The following RECK variants were observed in gnomAD, a reference collection of about 807,000 sequenced individuals.
RECK encodes the protein reversion-inducing cysteine-rich protein with Kazal motifs.
RECK carries 69 observed loss-of-function variants against 115.1 expected under a neutral mutation model. The observed-to-expected ratio is 0.60, with a 90% CI of 0.49 to 0.73. The LOEUF is 0.73. Ranked by LOEUF, RECK falls within the 30% of genes least tolerant of loss-of-function variation. The pLI is 0.00. For missense variants in RECK, 1,047 were observed against 1,203.7 expected (o/e 0.87, Z 1.93); for synonymous variants, 414 against 419.7 (o/e 0.99, Z 0.17).
At chr9:36,037,150 G>A in intron 1 of RECK, 52 bp downstream of exon 1, 1 of 1,179,470 alleles carries the variant, frequency 8.5e-7, no homozygotes, top group African/African-American at 1.6e-5. Context: ...GGCCGCCACA[G>A]CGCTCCAAGA....
chr9:36,080,532 C>T, intron 6 of RECK, 73 bp from the exon 7 acceptor site: 1 of 1,199,272 alleles, frequency 8.3e-7, no homozygotes, highest in Non-Finnish European at 1.2e-6. Context: ...TCCATGTAAC[C>T]ATAAAGTGGA....
intron 6 of RECK, among the ~76,000 whole-genome samples, chr9:36,076,010 A>G (rs1822433175): frequency 6.6e-6 from 1 of 152,202 alleles, no homozygotes; most frequent in African/African-American, 2.4e-5. Context: ...CAGTGGACAG[A>G]GAAAGGATTG....
chr9:36,117,222 T>C lies in RECK; in HGVS notation c.2253+45T>C, dbSNP rs373645437. On this transcript the variant is annotated intron_variant, in intron 17 of 20. Coordinates refer to ENST00000377966, the MANE Select transcript of RECK (RefSeq NM_021111.3). ...AAAACAAAGTACACTACGGATAAAA[T>C]TGGTTTATGATATTTTACAGATGAA... 9.5e-4 allele frequency: 1,404 copies of C among 1,479,080 alleles called. 3 individuals carry two copies. The highest frequency in any genetic ancestry group is 1.5e-3 in the Admixed American group (71 of 45,894). 91.6% of individuals were successfully genotyped at this position (1,479,080 alleles called of 1,614,324 possible).
Position 36,037,057 on chromosome 9 carries a change from G to C in RECK, c.59G>C (p.Gly20Ala). 1 of 1,396,914 alleles carries C rather than the reference G, an allele frequency of 7.2e-7. No homozygotes were observed. Among genetic ancestry groups the C allele is most frequent in the Non-Finnish European group, 9.3e-7 (1 of 1,070,324 alleles). The allele number at this position is 1,396,914 out of a possible 1,614,324, so 86.5% of individuals were successfully genotyped here. A position where few individuals can be genotyped will look rare whatever the true frequency, so the allele number is the denominator to read the frequency against. ...GALLLLLAVA[G>A]VAEVAGGLAP... is the part of the protein sequence containing the mutation. The stretch of plus-strand genomic sequence containing the variant: ...CTGCTCCTTCTGCTGGCCGTGGCGG[G>C]GGTCGCGGAGGTGGCAGGGGGCCTG... The change falls in exon 1 of 21, where the codon GGG (glycine) becomes GCG (alanine). Residue 20 changes from glycine to alanine, a missense_variant. Gly to Ala is a moderately conservative substitution (Grantham distance 60, BLOSUM62 0). Coordinates refer to ENST00000377966, the MANE Select transcript of RECK (RefSeq NM_021111.3).
chr9:36,117,138 C>T lies in RECK; in HGVS notation c.2214C>T (p.Tyr738=), dbSNP rs765037182. The change falls in exon 17 of 21, where the codon TAC becomes TAT. Residue 738 remains tyrosine, a synonymous_variant. Transcript: ENST00000377966. The part of the protein sequence containing the change: ...HMEHNNLCTL[Y]QRGKSLSYKG... Reference sequence around the variant, plus strand: ...AGCACAACAATCTCTGCACTTTATACCAAAGAGGAAAAAGCCTCTCTTACA... The same window carrying T: ...AGCACAACAATCTCTGCACTTTATATCAAAGAGGAAAAAGCCTCTCTTACA... 1 of 1,613,180 alleles carries T rather than the reference C, an allele frequency of 6.2e-7. No homozygotes were observed. Among genetic ancestry groups the T allele is most frequent in the South Asian group, 1.1e-5 (1 of 90,952 alleles).
intron 1 of RECK, among the ~76,000 whole-genome samples, chr9:36,042,181 C>T (rs1389789212): frequency 6.6e-6 from 1 of 151,768 alleles, no homozygotes; most frequent in Non-Finnish European, 1.5e-5. Flanking sequence ...ACCCAATGTG[C>T]AGTCTTTTAT....
At position 36,075,401 on chromosome 9, in the gene RECK, G is replaced by A. The variant is rs183589670; in HGVS notation, c.406-5204G>A. 7.9e-5 allele frequency among the ~76,000 whole-genome samples: 12 copies of A among 152,232 alleles called. No homozygotes were observed. In the East Asian group the frequency reaches 2.3e-3, roughly 29 times the overall value. ...TTTCTGAGCAGTCTAGACCTATAAA[G>A]CTCATTTCTGTTTTGAGTGTTCATT... On this transcript the variant is annotated intron_variant, in intron 6 of 20. Transcript: ENST00000377966.
intron 2 of RECK, among the ~76,000 whole-genome samples, chr9:36,054,711 A>G (rs1821452932): frequency 6.6e-6 from 1 of 152,104 alleles, no homozygotes; most frequent in East Asian, 1.9e-4. Flanking sequence ...TTTTTAATAA[A>G]AATATTTACA....
At chr9:36,085,621 G>A (rs961235479) in intron 8 of RECK, 1 of 151,920 alleles carries the variant, frequency 6.6e-6, no homozygotes, top group African/African-American at 2.4e-5. Context: ...GGAGGCTGAT[G>A]CTGGAGGATC....
chr9:36,096,996 T>C (rs1033894203), intron 10 of RECK, among the ~76,000 whole-genome samples: 1 of 151,674 alleles, frequency 6.6e-6, no homozygotes, highest in African/African-American at 2.4e-5. Context: ...TCCTACAACA[T>C]CATGATAAAA....
intron 12 of RECK, among the ~76,000 whole-genome samples, chr9:36,104,614 A>G (rs753533994): frequency 6.6e-6 from 1 of 151,440 alleles, no homozygotes; most frequent in Non-Finnish European, 1.5e-5. Flanking sequence ...GGTTCAAGCA[A>G]TTCTCCTGCC....
chr9:36,120,825 TA>T (rs750532672), intron 19 of RECK, 89 bp downstream of exon 19: 2 of 916,578 alleles, frequency 2.2e-6, no homozygotes, highest in Non-Finnish European at 3.5e-6. Flanking sequence ...TCCTCATTCA[TA>T]GATAAAGAAA....
intron 6 of RECK, among the ~76,000 whole-genome samples, chr9:36,070,929 C>T (rs1464614186): frequency 2.0e-5 from 3 of 152,224 alleles, no homozygotes; most frequent in Admixed American, 6.5e-5. Context: ...TCTAGGTTCT[C>T]TGCCTTTTCA....
At chr9:36,111,730 C>T in intron 15 of RECK, among the ~76,000 whole-genome samples, 1 of 152,034 alleles carries the variant, frequency 6.6e-6, no homozygotes, top group Non-Finnish European at 1.5e-5. Context: ...CTTTAACATT[C>T]AAGAAATCCC....
chr9:36,085,691 A>G (rs1822926506), intron 8 of RECK: 1 of 152,018 alleles, frequency 6.6e-6, no homozygotes, highest in Admixed American at 6.6e-5. Flanking sequence ...CACTCCAGCC[A>G]GGGCAACAAA....
At chr9:36,115,450 C>T (rs1211980756) in intron 16 of RECK, among the ~76,000 whole-genome samples, 1 of 152,016 alleles carries the variant, frequency 6.6e-6, no homozygotes, top group African/African-American at 2.4e-5. Context: ...GCCCTGCTCA[C>T]GTTTACTTTT....
chr9:36,060,229 G>A, intron 4 of RECK, 74 bp downstream of exon 4: 1 of 1,438,452 alleles, frequency 7.0e-7, no homozygotes, highest in Non-Finnish European at 9.7e-7. Flanking sequence ...TGGTGTCATT[G>A]TCCTGGAACC....
intron 12 of RECK, among the ~76,000 whole-genome samples, chr9:36,104,752 G>A (rs1046211188): frequency 3.3e-5 from 5 of 151,692 alleles, no homozygotes; most frequent in South Asian, 2.1e-4. Flanking sequence ...CCGGTGATCC[G>A]CCCGCCTCAG....
At chr9:36,115,150 A>G (rs951259064) in intron 16 of RECK, among the ~76,000 whole-genome samples, 3 of 152,022 alleles carry the variant, frequency 2.0e-5, no homozygotes, top group Non-Finnish European at 4.4e-5. Context: ...TCCCATCTCT[A>G]CTAAAAATAT....
Sources: allele counts gnomAD v4.1 joint callset (sites outside exome capture counted in the v4.1 genomes callset), GRCh38; gene constraint gnomAD v4.1.1; transcripts MANE v1.5; gene names NCBI Gene and HGNC (gene_info 2026-07-23, HGNC 2026-07-21).